Variants in ARHGAP15 observed in about 807,000 individuals in gnomAD.
The protein encoded by ARHGAP15 is Rho GTPase activating protein 15.
A neutral mutation model predicts 63.7 loss-of-function variants in ARHGAP15; 51 were observed. The observed-to-expected ratio is 0.80, with a 90% CI of 0.64 to 1.01. The LOEUF is 1.01. ARHGAP15 is among the 50% of genes least tolerant of loss of function. The probability of loss-of-function intolerance (pLI) is 0.00; values close to 1 mark genes in which losing one functional copy is unlikely to be tolerated. For synonymous variants in ARHGAP15, 191 were observed against 193.8 expected (o/e 0.99, Z 0.12); for missense variants, 560 against 564.6 (o/e 0.99, Z 0.08).
At chr2:143,470,980 CGT>C (rs1691516845) in intron 8 of ARHGAP15, among the ~76,000 whole-genome samples, 1 of 141,672 alleles carries the variant, frequency 7.1e-6, no homozygotes, top group Admixed American at 7.0e-5. Context: ...TACATACACA[CGT>C]GTATCATATA....
intron 6 of ARHGAP15, among the ~76,000 whole-genome samples, chr2:143,420,943 C>G (rs1688891726): frequency 6.6e-6 from 1 of 152,148 alleles, no homozygotes; most frequent in South Asian, 2.1e-4. Context: ...AGTAACTACT[C>G]CCAGATCTTG....
At chr2:143,236,694 G>A (rs929206056) in intron 5 of ARHGAP15, 4 of 152,126 alleles carry the variant, frequency 2.6e-5, no homozygotes, top group Non-Finnish European at 5.9e-5. Flanking sequence ...GGATGTATAG[G>A]ATTTTGATGT....
chr2:143,184,261 C>T (rs538552352), intron 2 of ARHGAP15, among the ~76,000 whole-genome samples: 2 of 152,148 alleles, frequency 1.3e-5, no homozygotes, highest in Non-Finnish European at 2.9e-5. Flanking sequence ...AATATGACCT[C>T]AACAAAATTG....
At chr2:143,389,313 A>G (rs1426783314) in intron 6 of ARHGAP15, among the ~76,000 whole-genome samples, 1 of 152,070 alleles carries the variant, frequency 6.6e-6, no homozygotes, top group African/African-American at 2.4e-5. Context: ...TTGACTCTCC[A>G]GGTGACTTGT....
chr2:143,289,222 T>A (rs950447699), intron 6 of ARHGAP15, among the ~76,000 whole-genome samples: 2 of 152,158 alleles, frequency 1.3e-5, no homozygotes, highest in African/African-American at 2.4e-5. Flanking sequence ...TAGGCTAGCA[T>A]GACATGATGG....
intron 6 of ARHGAP15, among the ~76,000 whole-genome samples, chr2:143,297,640 A>G (rs1249980981): frequency 1.3e-5 from 2 of 152,012 alleles, no homozygotes; most frequent in Admixed American, 1.3e-4. Flanking sequence ...TGTAAGGAGC[A>G]CAGTGAGGAA....
chr2:143,333,833 T>G (rs1284290867), intron 6 of ARHGAP15, among the ~76,000 whole-genome samples: 1 of 152,186 alleles, frequency 6.6e-6, no homozygotes, highest in African/African-American at 2.4e-5. Context: ...TAAACATTGC[T>G]TCAGGCTAGA....
chr2:143,699,971 G>A lies in ARHGAP15; in HGVS notation c.1139-3448G>A, dbSNP rs189435230. Among the ~76,000 whole-genome samples, 14 of 152,172 alleles carry A rather than the reference G, an allele frequency of 9.2e-5. No individual in the cohort carries two copies. The East Asian group carries it at 2.5e-3, about 27-fold the overall frequency. On this transcript the variant is annotated intron_variant, in intron 12 of 13. Coordinates refer to ENST00000295095, the MANE Select transcript of ARHGAP15 (RefSeq NM_018460.4). ...AAGCTGTTACAGAATTCAAACCAAG[G>A]TCCACATATTCCAGTTCATGGTCAC...
At chr2:143,593,205 A>G (rs573014119) in intron 11 of ARHGAP15, 18 of 152,210 alleles carry the variant, frequency 1.2e-4, no homozygotes, top group Non-Finnish European at 2.4e-4. Context: ...TGATGTGGCA[A>G]ATCATTTGTA....
chr2:143,435,169 C>A, intron 6 of ARHGAP15: 3 of 742,634 alleles, frequency 4.0e-6, no homozygotes, highest in Non-Finnish European at 4.9e-6. Flanking sequence ...TAGAGCTCTC[C>A]ATAAAAGGAA....
chr2:143,344,324 T>C (rs1173489443), intron 6 of ARHGAP15: 1 of 152,176 alleles, frequency 6.6e-6, no homozygotes, highest in Non-Finnish European at 1.5e-5. Flanking sequence ...GTCTCTAAAC[T>C]GCTATTTGTA....
intron 8 of ARHGAP15, among the ~76,000 whole-genome samples, chr2:143,448,579 A>G (rs1340203883): frequency 6.6e-6 from 1 of 152,098 alleles, no homozygotes; most frequent in Non-Finnish European, 1.5e-5. Context: ...CTTGATATTG[A>G]TAGGTTTTCT....
Position 143,178,529 on chromosome 2 carries a change from T to C in ARHGAP15, c.165+22874T>C, listed in dbSNP as rs565412488. On this transcript the variant is annotated intron_variant, in intron 2 of 13. Coordinates refer to ENST00000295095, the MANE Select transcript of ARHGAP15 (RefSeq NM_018460.4). ...ATTGAAGAATTCACGCTAAATAAAA[T>C]GGTATTATGTTAAGTGCATTTTACT... 6.6e-5 allele frequency among the ~76,000 whole-genome samples: 10 copies of C among 152,296 alleles called. No individual in the cohort carries two copies. In the South Asian group the frequency reaches 2.1e-3, roughly 32 times the overall value.
At chr2:143,403,957 C>T (rs1688094279) in intron 6 of ARHGAP15, among the ~76,000 whole-genome samples, 2 of 151,202 alleles carry the variant, frequency 1.3e-5, no homozygotes. Context: ...GAAGGGGAGC[C>T]ACATTACTCA....
chr2:143,519,270 A>G lies in ARHGAP15; in HGVS notation c.831A>G (p.Gln277=), dbSNP rs756063751. 18 of 1,611,984 alleles carry G rather than the reference A, an allele frequency of 1.1e-5. No individual in the cohort carries two copies. In the Admixed American group the frequency reaches 1.3e-4, roughly 12 times the overall value. The change falls in exon 10 of 14, where the codon CAA becomes CAG. Residue 277 remains glutamine, a synonymous_variant. Transcript: ENST00000295095. ...TCATCTTTGTTTCTTTTGCAGATCA[A>G]ATTTTTGGCTCTCATCTGCACAAAG... is the stretch of plus-strand genomic sequence containing the variant. ...TLQEKGLIKD[Q]IFGSHLHKVC...
intron 10 of ARHGAP15, among the ~76,000 whole-genome samples, chr2:143,534,285 A>G (rs1306667947): frequency 6.6e-6 from 1 of 152,100 alleles, no homozygotes; most frequent in Non-Finnish European, 1.5e-5. Context: ...CCTTACTGTA[A>G]GTCTTCCGAG....
chr2:143,746,326 G>T (rs950549606), intron 13 of ARHGAP15, among the ~76,000 whole-genome samples: 1 of 151,586 alleles, frequency 6.6e-6, no homozygotes, highest in Non-Finnish European at 1.5e-5. Flanking sequence ...ACATTATATT[G>T]TTGTATTTGC....
At chr2:143,518,519 G>A (rs746040387) in intron 9 of ARHGAP15, among the ~76,000 whole-genome samples, 1 of 152,170 alleles carries the variant, frequency 6.6e-6, no homozygotes, top group Non-Finnish European at 1.5e-5. Flanking sequence ...GGCATATCAT[G>A]GGCTTTAAAA....
intron 6 of ARHGAP15, among the ~76,000 whole-genome samples, chr2:143,433,014 T>A (rs2105082816): frequency 6.6e-6 from 1 of 152,182 alleles, no homozygotes; most frequent in East Asian, 1.9e-4. Flanking sequence ...CCTTTATGTC[T>A]GTTATACATC....
Sources: gnomAD v4.1 joint callset for allele counts (sites outside exome capture counted in the v4.1 genomes callset) on GRCh38, gnomAD v4.1.1 for gene constraint, MANE v1.5 for transcripts, NCBI Gene and HGNC (gene_info 2026-07-23, HGNC 2026-07-21) for gene names.